Variants in CADM2 observed in about 807,000 individuals in gnomAD.
CADM2 encodes cell adhesion molecule 2.
Under a neutral mutation model 49.8 loss-of-function variants are expected in CADM2, and 12 were observed. That is an observed-to-expected ratio of 0.24 (90% CI 0.15 to 0.39). The LOEUF (loss-of-function observed/expected upper bound fraction) is 0.39, where lower values mean the gene tolerates loss of function less well. Among genes scored for constraint, CADM2 ranks in the 10% least tolerant of loss-of-function variants. The pLI, the probability that CADM2 is intolerant of heterozygous loss-of-function variation, is 1.00. For synonymous variants in CADM2, 214 were observed against 175.4 expected, an observed-to-expected ratio of 1.22 and a Z score of -1.74; for missense variants, 378 against 492.3, an observed-to-expected ratio of 0.77 and a Z score of 2.20.
chr3:85,830,797 TTTTA>T (rs78682464), intron 3 of CADM2, among the ~76,000 whole-genome samples: 32,008 of 141,898 alleles, frequency 0.23, 3,801 homozygotes, highest in Non-Finnish European at 0.25. Flanking sequence ...TCTTTGTGCA[TTTTA>T]TTTATTTATT....
chr3:85,661,660 G>A (rs924051972), intron 1 of CADM2, among the ~76,000 whole-genome samples: 1 of 151,772 alleles, frequency 6.6e-6, no homozygotes, highest in African/African-American at 2.4e-5. Context: ...TATATAAAGG[G>A]GAGAATTCTA....
chr3:85,933,304 A>G (rs1720820347), intron 6 of CADM2, among the ~76,000 whole-genome samples: 1 of 151,756 alleles, frequency 6.6e-6, no homozygotes, highest in Non-Finnish European at 1.5e-5. Context: ...CTTGCCCATC[A>G]AGTAAGGTAA....
chr3:85,224,521 A>G (rs1318648515), intron 1 of CADM2, among the ~76,000 whole-genome samples: 1 of 152,124 alleles, frequency 6.6e-6, no homozygotes, highest in Non-Finnish European at 1.5e-5. Flanking sequence ...AGATGGATAG[A>G]TTGCAAACAT....
chr3:85,192,500 G>A (rs1267916832), intron 1 of CADM2, among the ~76,000 whole-genome samples: 1 of 151,530 alleles, frequency 6.6e-6, no homozygotes, highest in African/African-American at 2.4e-5. Context: ...AGCCATACCC[G>A]GTGAGATACC....
chr3:85,344,598 G>A (rs904716034), intron 1 of CADM2, among the ~76,000 whole-genome samples: 14 of 151,514 alleles, frequency 9.2e-5, no homozygotes, highest in Admixed American at 3.3e-4. Context: ...GAAGTCACGT[G>A]TATGAGAGTG....
chr3:85,559,685 C>CACACAT (rs1254675915), intron 1 of CADM2, among the ~76,000 whole-genome samples: 2,486 of 150,894 alleles, frequency 0.016, 58 homozygotes, highest in African/African-American at 0.056. Flanking sequence ...CACACACACA[C>CACACAT]ACATATATAT....
chr3:85,461,942 T>G (rs2038266187), intron 1 of CADM2, among the ~76,000 whole-genome samples: 1 of 152,184 alleles, frequency 6.6e-6, no homozygotes, highest in African/African-American at 2.4e-5. Flanking sequence ...GTCCGGACTT[T>G]CGCTGTTTCT....
chr3:85,540,474 T>C (rs920432575), intron 1 of CADM2, among the ~76,000 whole-genome samples: 4 of 152,154 alleles, frequency 2.6e-5, no homozygotes, highest in Non-Finnish European at 5.9e-5. Flanking sequence ...ATAAAATAAG[T>C]TAGATATAAC....
rs2038018989 is a variant in CADM2 at position 85,101,670 on chromosome 3, CT to C, written c.61+142003del. 2.0e-5 allele frequency among the ~76,000 whole-genome samples: 3 copies of C among 152,284 alleles called. No individual in the cohort carries two copies. The East Asian group carries it at 5.8e-4, about 29-fold the overall frequency. On this transcript the variant is annotated intron_variant, in intron 1 of 9. Transcript: ENST00000383699. ...CTCAAATGTTTTCAGAATTGCATGA[CT>C]ACAGCTTAGAAGTATTGTGTTTCTA...
intron 3 of CADM2, among the ~76,000 whole-genome samples, chr3:85,831,940 AT>A (rs2074205598): frequency 6.6e-6 from 1 of 151,906 alleles, no homozygotes; most frequent in Admixed American, 6.6e-5. Context: ...TTCTTCTAGA[AT>A]TTTTATAGTT....
At chr3:86,014,880 A>G in intron 8 of CADM2, 4 of 1,545,042 alleles carry the variant, frequency 2.6e-6, no homozygotes, top group Non-Finnish European at 2.6e-6. Context: ...TGCATTGATG[A>G]AGGTCCTGTG....
chr3:85,433,924 T>G (rs2036806410), intron 1 of CADM2, among the ~76,000 whole-genome samples: 1 of 152,100 alleles, frequency 6.6e-6, no homozygotes, highest in Non-Finnish European at 1.5e-5. Flanking sequence ...GTCAAAGATA[T>G]TCTTTTGGAT....
chr3:86,009,151 ATATATATAGG>A (rs928500966), intron 8 of CADM2, among the ~76,000 whole-genome samples: 2 of 146,556 alleles, frequency 1.4e-5, no homozygotes, highest in Admixed American at 6.9e-5. Flanking sequence ...ATATAGATAT[ATATATATAGG>A]TATATATATA....
At chr3:85,731,812 G>A (rs1024489800) in intron 2 of CADM2, among the ~76,000 whole-genome samples, 1 of 151,874 alleles carries the variant, frequency 6.6e-6, no homozygotes, top group African/African-American at 2.4e-5. Context: ...AGAAAATTAT[G>A]ACAAAGAGAG....
chr3:85,371,685 A>G (rs796732181), intron 1 of CADM2, among the ~76,000 whole-genome samples: 2,119 of 127,380 alleles, frequency 0.017, 32 homozygotes, highest in African/African-American at 0.029. Context: ...GTGTATATAT[A>G]TATATATATA....
chr3:85,525,871 T>C (rs2106923540), intron 1 of CADM2, among the ~76,000 whole-genome samples: 1 of 152,262 alleles, frequency 6.6e-6, no homozygotes, highest in Non-Finnish European at 1.5e-5. Flanking sequence ...ACACTGTACT[T>C]TTAATTAATA....
In CADM2 at chr3:86,066,838, G is replaced by C; in HGVS notation, c.*55G>C. On this transcript the variant is annotated 3_prime_UTR_variant, in exon 10 of 10. Coordinates refer to ENST00000383699, the MANE Select transcript of CADM2 (RefSeq NM_001167675.2). ...CCAGGCTGAATGCTGGAGAAAACTG[G>C]CTATCATCTTTCAGAAGTCATTTCT... 8.2e-7 allele frequency: 1 copy of C among 1,215,244 alleles called. No homozygotes were observed. The highest frequency in any genetic ancestry group is 1.2e-5 in the South Asian group (1 of 82,836). The allele number at this position is 1,215,244 out of a possible 1,614,324, so 75.3% of individuals were successfully genotyped here.
At chr3:85,048,822 G>T (rs1175681612) in intron 1 of CADM2, among the ~76,000 whole-genome samples, 1 of 152,074 alleles carries the variant, frequency 6.6e-6, no homozygotes, top group Non-Finnish European at 1.5e-5. Flanking sequence ...GCCACAAATG[G>T]GTCCAAAGTT....
In CADM2 at chr3:85,939,102, T is replaced by A. The variant is rs188945026; in HGVS notation, c.791+3245T>A. On this transcript the variant is annotated intron_variant, in intron 7 of 9. Coordinates refer to ENST00000383699, the MANE Select transcript of CADM2 (RefSeq NM_001167675.2). ...CCTGGTGTTCCGAACCTGCCCTTCTTTATGCTAATGTTGTTTTCCTTGTTC... is the reference window on the plus strand; with the variant it reads ...CCTGGTGTTCCGAACCTGCCCTTCTATATGCTAATGTTGTTTTCCTTGTTC... Among the ~76,000 whole-genome samples the A allele has an allele frequency of 1.4e-3, 208 of 152,150 alleles. 2 individuals are homozygous for A. The highest frequency in any genetic ancestry group is 4.8e-3 in the African/African-American group (200 of 41,556).
Sources: allele counts gnomAD v4.1 joint callset (sites outside exome capture counted in the v4.1 genomes callset), GRCh38; gene constraint gnomAD v4.1.1; transcripts MANE v1.5; gene names NCBI Gene and HGNC (gene_info 2026-07-23, HGNC 2026-07-21).